Variants in ACACB observed in about 807,000 individuals in gnomAD.
The protein encoded by ACACB is acetyl-CoA carboxylase 2.
A neutral mutation model predicts 278.8 loss-of-function variants in ACACB; 209 were observed. The observed-to-expected ratio is 0.75, with a 90% CI of 0.67 to 0.84. The LOEUF (loss-of-function observed/expected upper bound fraction) is 0.84, where lower values mean the gene tolerates loss of function less well. Ranked by LOEUF, ACACB falls within the 40% of genes least tolerant of loss-of-function variation. The probability of loss-of-function intolerance (pLI) is 0.00; values close to 1 mark genes in which losing one functional copy is unlikely to be tolerated. For synonymous variants in ACACB, 1,174 were observed against 1,285.6 expected, an observed-to-expected ratio of 0.91 and a Z score of 1.86; for missense variants, 2,850 against 3,269.0, an observed-to-expected ratio of 0.87 and a Z score of 3.13.
chr12:109,161,171 C>T (rs1455817504), intron 2 of ACACB, among the ~76,000 whole-genome samples: 3 of 152,124 alleles, frequency 2.0e-5, no homozygotes, highest in Admixed American at 1.3e-4. Flanking sequence ...GGTATGTACA[C>T]AAAGGAAAAG....
chr12:109,266,329 G>T lies in ACACB; in HGVS notation c.7344G>T (p.Leu2448=). The change falls in exon 53 of 53, where the codon CTG becomes CTT. Residue 2448 remains leucine (L), a synonymous_variant. Transcript: ENST00000338432. ...CTGAGCGGGCGCAGGTCGTTCACCT[G>T]CTGTCTACCATGGACAGCCCGGCCT... The part of the protein sequence containing the change: ...SPAERAQVVH[L]LSTMDSPAST 2.5e-6 allele frequency: 4 copies of T among 1,612,614 alleles called. No homozygotes were observed. Among genetic ancestry groups the T allele is most frequent in the Non-Finnish European group, 3.4e-6 (4 of 1,179,906 alleles).
intron 36 of ACACB, 99 bp downstream of exon 36, chr12:109,241,380 C>T (rs2046795274): frequency 8.3e-7 from 1 of 1,209,426 alleles, no homozygotes; most frequent in Admixed American, 1.8e-5. Flanking sequence ...GGCGGTCTTG[C>T]CTTGCTCTCC....
chr12:109,181,182 T>C (rs999723190), intron 11 of ACACB, among the ~76,000 whole-genome samples: 1 of 151,920 alleles, frequency 6.6e-6, no homozygotes, highest in Non-Finnish European at 1.5e-5. Context: ...GTCTGAATAG[T>C]ACTCCATTGT....
chr12:109,241,130 A>G lies in ACACB; in HGVS notation c.4871A>G (p.Lys1624Arg), dbSNP rs199820674. Residue 1624 changes from lysine to arginine, a missense_variant, in exon 36 of 53, where the codon AAA (lysine) becomes AGA (arginine). By Grantham distance (26) the Lys-to-Arg change is conservative. Around this residue, in one of 3 missense-constraint regions of ACACB, gnomAD observed 2,265 missense variants for 2,561.3 expected, o/e 0.88. Coordinates refer to ENST00000338432, the MANE Select transcript of ACACB (RefSeq NM_001093.4). ...ATGCGCTACGGCAGCCGGCTGTGGAAACTCCGTGTGCTACAGGCTGAGGTC... is the reference window on the plus strand; with the variant it reads ...ATGCGCTACGGCAGCCGGCTGTGGAGACTCCGTGTGCTACAGGCTGAGGTC... The part of the protein sequence containing the change: ...MVMRYGSRLW[K>R]LRVLQAEVKI... 109 of 1,613,954 alleles carry G rather than the reference A, an allele frequency of 6.8e-5. No individual in the cohort carries two copies. Among genetic ancestry groups the G allele is most frequent in the Non-Finnish European group, 8.6e-5 (102 of 1,180,032 alleles).
chr12:109,136,527 T>C (rs1213813352), intron 1 of ACACB, among the ~76,000 whole-genome samples: 2 of 152,236 alleles, frequency 1.3e-5, no homozygotes, highest in Admixed American at 6.5e-5. Context: ...ACAAGTGTGA[T>C]AGGCAATAAT....
chr12:109,266,264 G>A lies in ACACB; in HGVS notation c.7279G>A (p.Val2427Met), dbSNP rs746443616. Residue 2427 changes from valine to methionine, a missense_variant, in exon 53 of 53, where the codon GTG becomes ATG. This residue lies in a region of ACACB where 579 missense variants were observed against 684.6 expected (regional missense o/e 0.85). Transcript: ENST00000338432. ...GGTTGAAGAAAACCCCGAGGTGGCCGTGGACTGTGTGATATACCTGAGCCA... is the reference window on the plus strand; with the variant it reads ...GGTTGAAGAAAACCCCGAGGTGGCCATGGACTGTGTGATATACCTGAGCCA... ...GLVEENPEVA[V>M]DCVIYLSQHI... 7.9e-5 allele frequency: 128 copies of A among 1,613,334 alleles called. No homozygotes were observed. The highest frequency in any genetic ancestry group is 2.0e-4 in the Admixed American group (12 of 59,958).
intron 1 of ACACB, chr12:109,125,705 G>A (rs1273861827): frequency 6.6e-6 from 1 of 152,186 alleles, no homozygotes; most frequent in African/African-American, 2.4e-5. Context: ...AACTGTATGA[G>A]GAAGACTTCC....
At chr12:109,261,018 C>T (rs1241312948) in intron 48 of ACACB, among the ~76,000 whole-genome samples, 4 of 152,188 alleles carry the variant, frequency 2.6e-5, no homozygotes, top group Non-Finnish European at 4.4e-5. Context: ...TCAGAAAATA[C>T]TGGCTAAACA....
intron 2 of ACACB, among the ~76,000 whole-genome samples, chr12:109,166,413 T>C (rs531270784): frequency 6.6e-6 from 1 of 151,960 alleles, no homozygotes; most frequent in East Asian, 1.9e-4. Context: ...TTCAGTTGGG[T>C]ACAGTGGTTC....
In ACACB at chr12:109,212,830, A is replaced by G; in HGVS notation, c.3250-6A>G. ...GCAGTCAGACCTGTCTTGTTTTCCC[A>G]TCCAGATAGCCACCATCCTGGACTG... On this transcript the variant is annotated splice_polypyrimidine_tract_variant and splice_region_variant and intron_variant, in intron 21 of 52. Transcript: ENST00000338432. 1 of 1,613,568 alleles carries G rather than the reference A, an allele frequency of 6.2e-7. No homozygotes were observed. Among genetic ancestry groups the G allele is most frequent in the Non-Finnish European group, 8.5e-7 (1 of 1,179,572 alleles).
chr12:109,131,859 G>A (rs957121943), intron 1 of ACACB, among the ~76,000 whole-genome samples: 18 of 152,168 alleles, frequency 1.2e-4, no homozygotes, highest in Admixed American at 5.2e-4. Flanking sequence ...CCCTGCTCAT[G>A]GAATCAAACT....
At chr12:109,169,046 G>A (rs2044014185) in intron 4 of ACACB, among the ~76,000 whole-genome samples, 1 of 151,466 alleles carries the variant, frequency 6.6e-6, no homozygotes, top group Admixed American at 6.6e-5. Flanking sequence ...TCAGGAGGCT[G>A]AGGCAGGAGA....
chr12:109,174,048 C>T (rs1293665332), intron 6 of ACACB, 84 bp from the exon 7 acceptor site: 15 of 1,181,048 alleles, frequency 1.3e-5, no homozygotes, highest in Non-Finnish European at 1.8e-5. Flanking sequence ...CCTGGCCCCA[C>T]CACCGTGCAC....
intron 7 of ACACB, among the ~76,000 whole-genome samples, chr12:109,175,297 A>T (rs1593469809): frequency 1.3e-5 from 2 of 152,210 alleles, no homozygotes; most frequent in East Asian, 3.9e-4. Flanking sequence ...AAATCTTTGC[A>T]TGGTGTTGGG....
chr12:109,194,185 T>TGTTGTTG (rs1333132042), intron 16 of ACACB, among the ~76,000 whole-genome samples: 1 of 151,366 alleles, frequency 6.6e-6, no homozygotes, highest in Non-Finnish European at 1.5e-5. Context: ...CTCTGTTTTT[T>TGTTGTTG]TTTTTTGTTG....
intron 6 of ACACB, among the ~76,000 whole-genome samples, chr12:109,173,355 C>T (rs147325770): frequency 6.6e-6 from 1 of 152,350 alleles, no homozygotes; most frequent in African/African-American, 2.4e-5. Flanking sequence ...TAATAAATCC[C>T]TGCTTCTCCT....
chr12:109,260,337 TC>T, intron 47 of ACACB, 142 bp from the exon 48 acceptor site: 1 of 1,162,178 alleles, frequency 8.6e-7, no homozygotes, highest in East Asian at 2.4e-5. Context: ...TAGAGAGTGA[TC>T]AGTACTCTCA....
intron 16 of ACACB, among the ~76,000 whole-genome samples, chr12:109,196,563 A>C (rs1399360746): frequency 2.0e-5 from 3 of 152,106 alleles, no homozygotes; most frequent in Non-Finnish European, 4.4e-5. Flanking sequence ...CACCTCCCAA[A>C]GGCTCCACCT....
chr12:109,210,455 GTATATATA>G (rs1565928685), intron 21 of ACACB, among the ~76,000 whole-genome samples: 7,443 of 140,388 alleles, frequency 0.053, 611 homozygotes, highest in African/African-American at 0.15. Context: ...GTGTATATAT[GTATATATA>G]CGCACATACA....
Sources: allele counts gnomAD v4.1 joint callset (sites outside exome capture counted in the v4.1 genomes callset), GRCh38; gene constraint gnomAD v4.1.1; regional missense constraint gnomAD v4.1.1; transcripts MANE v1.5; gene names NCBI Gene and HGNC (gene_info 2026-07-23, HGNC 2026-07-21).